INTS11: variants seen among roughly 807,000 people sequenced by gnomAD.
INTS11 encodes the protein integrator complex subunit 11.
In INTS11, 77 loss-of-function variants were observed where a neutral mutation model predicts 78.6. The observed-to-expected ratio is 0.98, with a 90% CI of 0.81 to 1.18. INTS11 has a LOEUF of 1.18. INTS11 is among the 50% of genes most tolerant of loss of function. INTS11 has a pLI of 0.00. For missense variants in INTS11, 875 were observed against 825.9 expected, an observed-to-expected ratio of 1.06 and a Z score of -0.73; for synonymous variants, 441 against 326.9, an observed-to-expected ratio of 1.35 and a Z score of -3.77.
At chr1:1,315,691 G>A (rs546401059) in intron 4 of INTS11, 73 bp from the exon 5 acceptor site, 15 of 530,038 alleles carry the variant, frequency 2.8e-5, no homozygotes, top group Admixed American at 8.7e-5. Flanking sequence ...GGCGGGGGAC[G>A]GGAAGCGCGG....
intron 2 of INTS11, 168 bp from the exon 3 acceptor site, chr1:1,320,697 C>T (rs1309794700): frequency 2.2e-5 from 17 of 766,508 alleles, no homozygotes; most frequent in East Asian, 1.0e-4. Context: ...TCACAGCATC[C>T]GGAGGGGCCG....
At chr1:1,316,466 G>A (rs1642615348) in intron 4 of INTS11, 2 of 152,122 alleles carry the variant, frequency 1.3e-5, no homozygotes, top group East Asian at 1.9e-4. Flanking sequence ...GTGGGTGCTT[G>A]TAATCCCAGC....
chr1:1,320,723 TCA>T (rs996425953), intron 2 of INTS11, 194 bp from the exon 3 acceptor site: 1 of 726,820 alleles, frequency 1.4e-6, no homozygotes, highest in Non-Finnish European at 2.5e-6. Flanking sequence ...ACCCCCAACC[TCA>T]CTGACAGATG....
rs748230622 is a variant in INTS11 at position 1,324,633 on chromosome 1, G to A, written c.-25C>T. 13 of 1,597,246 alleles carry A rather than the reference G, an allele frequency of 8.1e-6. No individual in the cohort carries two copies. The Admixed American group carries it at 1.9e-4, about 23-fold the overall frequency. ...TCGTCTCCGCCGCGCTCCCGGACCC[G>A]CGAGGCCCGCCTGCGGTGATGCACT... is the stretch of plus-strand genomic sequence containing the variant. On this transcript the variant is annotated 5_prime_UTR_variant, in exon 1 of 17. Coordinates refer to ENST00000435064, the MANE Select transcript of INTS11 (RefSeq NM_017871.6).
At position 1,312,875 on chromosome 1, in the gene INTS11, CA is replaced by C. The variant is rs1186435442; in HGVS notation, c.1205del (p.Val402GlyfsTer22). The C allele has an allele frequency of 3.8e-5, 61 of 1,612,410 alleles. No individual in the cohort carries two copies. Among genetic ancestry groups the C allele is most frequent in the Non-Finnish European group, 5.1e-5 (60 of 1,179,904 alleles). Reference sequence around the variant, plus strand: ...GCACGCTCTCCGGCTCTGCCTGGCCCACCAGCTGCATGATGCCCTTGGCGTC... The same window carrying C: ...GCACGCTCTCCGGCTCTGCCTGGCCCCCAGCTGCATGATGCCCTTGGCGTC... ...HADAKGIMQL[V>X]GQAEPESVLL... On this transcript the variant is annotated frameshift_variant, in exon 12 of 17. Transcript: ENST00000435064. LOFTEE classifies it high-confidence loss of function.
chr1:1,315,587 T>C lies in INTS11; in HGVS notation c.461A>G (p.Tyr154Cys), dbSNP rs769041276. ...GGCTGCCCCCAGCACGTGGCCTGCATAGTAGGCCTTGATCTCCAGCTCATC... is the reference window on the plus strand; with the variant it reads ...GGCTGCCCCCAGCACGTGGCCTGCACAGTAGGCCTTGATCTCCAGCTCATC... Reference protein sequence around the residue: ...VDDELEIKAYYAGHVLGAAMF... With the variant: ...VDDELEIKAYCAGHVLGAAMF... The change falls in exon 5 of 17, where the codon TAT becomes TGT. Residue 154 changes from tyrosine (Y) to cysteine (C), a missense_variant. Tyr to Cys is a radical substitution (Grantham distance 194, BLOSUM62 -2). Coordinates refer to ENST00000435064, the MANE Select transcript of INTS11 (RefSeq NM_017871.6). The C allele has an allele frequency of 1.2e-6, 2 of 1,610,470 alleles. No homozygotes were observed. Among genetic ancestry groups the C allele is most frequent in the Non-Finnish European group, 1.7e-6 (2 of 1,179,092 alleles).
chr1:1,313,446 T>C, intron 10 of INTS11, 63 bp downstream of exon 10: 1 of 1,563,996 alleles, frequency 6.4e-7, no homozygotes, highest in Non-Finnish European at 8.8e-7. Context: ...AGAGACAGCA[T>C]GGGTGGAAGG....
At position 1,323,155 on chromosome 1, in the gene INTS11, G is replaced by A. The variant is rs1171483147; in HGVS notation, c.28+1426C>T. ...CAGCACAGTGTCCACACCGGGGCGGGGGGCACCCTCCGAGGAAGCGCTCAC... is the reference window on the plus strand; with the variant it reads ...CAGCACAGTGTCCACACCGGGGCGGAGGGCACCCTCCGAGGAAGCGCTCAC... On this transcript the variant is annotated intron_variant, in intron 1 of 16. Coordinates refer to ENST00000435064, the MANE Select transcript of INTS11 (RefSeq NM_017871.6). 9.7e-6 allele frequency: 15 copies of A among 1,549,718 alleles called. No homozygotes were observed. The Admixed American group carries it at 1.2e-4, about 12-fold the overall frequency.
chr1:1,312,196 A>ATT, intron 15 of INTS11, 30 bp downstream of exon 15: 1 of 1,135,676 alleles, frequency 8.8e-7, no homozygotes. Context: ...GGCCCAAGGG[A>ATT]GTGGGGGGGG....
intron 1 of INTS11, 61 bp downstream of exon 1, chr1:1,324,520 C>T: frequency 3.9e-6 from 6 of 1,531,978 alleles, no homozygotes; most frequent in Non-Finnish European, 5.3e-6. Context: ...GCGGGGCGCC[C>T]AGCCCGCCCG....
chr1:1,320,698 G>A (rs758902967), intron 2 of INTS11, 169 bp from the exon 3 acceptor site: 29 of 766,966 alleles, frequency 3.8e-5, no homozygotes, highest in Admixed American at 1.8e-4. Context: ...CACAGCATCC[G>A]GAGGGGCCGA....
intron 1 of INTS11, chr1:1,323,237 AC>A (rs1362795838): frequency 6.5e-7 from 1 of 1,549,824 alleles, no homozygotes; most frequent in East Asian, 2.4e-5. Context: ...GGTGCCCTCG[AC>A]CCCCTGCCCG....
In INTS11 at chr1:1,314,356, G is replaced by GT; in HGVS notation, c.711dup (p.Pro238ThrfsTer64). 1 of 1,607,240 alleles carries GT rather than the reference G, an allele frequency of 6.2e-7. No homozygotes were observed. The highest frequency in any genetic ancestry group is 8.5e-7 in the Non-Finnish European group (1 of 1,177,522). The stretch of plus-strand genomic sequence containing the variant: ...TGGGCGCGGCCCAGCGCGAACACAG[G>GT]TATCAGCACCTGAGGGGGACACAAG... On this transcript the variant is annotated frameshift_variant, in exon 8 of 17. Transcript: ENST00000435064. LOFTEE classifies it high-confidence loss of function. This position sits in a 1 kb window ranked among gnomAD's most constrained non-coding sequence, Gnocchi z 4.2.
Position 1,314,251 on chromosome 1 carries a change from G to A in INTS11, c.767+50C>T. 1 of 1,510,524 alleles carries A rather than the reference G, an allele frequency of 6.6e-7. No homozygotes were observed. Among genetic ancestry groups the A allele is most frequent in the Non-Finnish European group, 9.0e-7 (1 of 1,109,210 alleles). The allele number at this position is 1,510,524 out of a possible 1,614,324, so 93.6% of individuals were successfully genotyped here. ...CAGGGCTGCCCACCAACTGGACTGT[G>A]TTCAGGCCGGGCCAGGGGCTCCTTA... On this transcript the variant is annotated intron_variant, in intron 8 of 16. Transcript: ENST00000435064. This position sits in a 1 kb window ranked among gnomAD's most constrained non-coding sequence, Gnocchi z 4.2.
intron 4 of INTS11, chr1:1,319,036 G>C (rs772951201): frequency 7.0e-6 from 5 of 716,822 alleles, no homozygotes; most frequent in South Asian, 4.4e-5. Flanking sequence ...AATGCCGCTC[G>C]GACAGAGCCT....
chr1:1,322,224 G>A lies in INTS11; in HGVS notation c.29-1131C>T, dbSNP rs191254679. On this transcript the variant is annotated intron_variant, in intron 1 of 16. Transcript: ENST00000435064. ...CACGGCCCCGAGGCATGGGGCCCGG[G>A]CTGGTTTTCTGAATTCCAAAGCCCA... Among the ~76,000 whole-genome samples the A allele has an allele frequency of 9.1e-4, 138 of 151,950 alleles. 1 individual carries two copies. Among genetic ancestry groups the A allele is most frequent in the African/African-American group, 3.1e-3 (129 of 41,456 alleles).
intron 4 of INTS11, chr1:1,316,022 A>T (rs1237671792): frequency 7.7e-6 from 2 of 260,770 alleles, no homozygotes; most frequent in Non-Finnish European, 1.5e-5. Flanking sequence ...CAGAGAAAAG[A>T]CAAGGTTCAG....
In INTS11 at chr1:1,314,354, AG is replaced by A; in HGVS notation, c.713del (p.Pro238LeufsTer22). 6.2e-7 allele frequency: 1 copy of A among 1,606,784 alleles called. No individual in the cohort carries two copies. Among genetic ancestry groups the A allele is most frequent in the East Asian group, 2.2e-5 (1 of 44,540 alleles). ...TVERGGKVLI[P>X]VFALGRAQEL... ...CCTGGGCGCGGCCCAGCGCGAACAC[AG>A]GTATCAGCACCTGAGGGGGACACAA... On this transcript the variant is annotated frameshift_variant, in exon 8 of 17. Transcript: ENST00000435064. LOFTEE classifies it high-confidence loss of function. This position sits in a 1 kb window ranked among gnomAD's most constrained non-coding sequence, Gnocchi z 4.2.
At chr1:1,322,469 G>T (rs551983843) in intron 1 of INTS11, among the ~76,000 whole-genome samples, 2 of 138,788 alleles carry the variant, frequency 1.4e-5, no homozygotes, top group African/African-American at 2.7e-5. Context: ...CAAGGTGAGA[G>T]AATGAGGAAG....
Sources: allele counts gnomAD v4.1 joint callset (sites outside exome capture counted in the v4.1 genomes callset), GRCh38; gene constraint gnomAD v4.1.1; non-coding constraint Gnocchi (gnomAD v3.1); transcripts MANE v1.5; gene names NCBI Gene and HGNC (gene_info 2026-07-23, HGNC 2026-07-21).